TPPP: variants seen among roughly 807,000 people sequenced by gnomAD.
TPPP encodes the protein tubulin polymerization-promoting protein.
In TPPP, 6 loss-of-function variants were observed where a neutral mutation model predicts 15.5. The observed-to-expected ratio is 0.39, with a 90% CI of 0.21 to 0.77. The LOEUF (loss-of-function observed/expected upper bound fraction) is 0.77, where lower values mean the gene tolerates loss of function less well. Ranked by LOEUF, TPPP falls within the 30% of genes least tolerant of loss-of-function variation. The pLI is 0.42. For missense variants in TPPP, 269 were observed against 307.2 expected (o/e 0.88, Z 0.93); for synonymous variants, 146 against 133.9 (o/e 1.09, Z -0.63).
At chr5:692,935 G>C (rs1182589215) in intron 1 of TPPP, 1 of 876,368 alleles carries the variant, frequency 1.1e-6, no homozygotes, top group East Asian at 1.2e-4. Context: ...GGTCTGGAGG[G>C]AAGGGCTGCA....
At position 665,450 on chromosome 5, in the gene TPPP, T is replaced by C. The variant is rs1739856878; in HGVS notation, c.466-154A>G. The C allele has an allele frequency of 1.5e-5, 11 of 721,472 alleles. No homozygotes were observed. The South Asian group carries it at 2.1e-4, about 14-fold the overall frequency. 44.7% of individuals were successfully genotyped at this position (721,472 alleles called of 1,614,324 possible). A position where few individuals can be genotyped will look rare whatever the true frequency, so the allele number is the denominator to read the frequency against. On this transcript the variant is annotated intron_variant, in intron 3 of 3. Coordinates refer to ENST00000360578, the MANE Select transcript of TPPP (RefSeq NM_007030.3). ...TTATGCCCCTTTTAATTCTTATTTT[T>C]ACCTCTCCTGACCCTGGGGCAGCCT...
At chr5:683,933 C>T (rs1740696696) in intron 1 of TPPP, among the ~76,000 whole-genome samples, 1 of 152,248 alleles carries the variant, frequency 6.6e-6, no homozygotes, top group African/African-American at 2.4e-5. Flanking sequence ...AACCTTTACG[C>T]CCAAGTCCTG....
the TPPP span, among the ~76,000 whole-genome samples, chr5:700,713 C>A: frequency 6.6e-6 from 1 of 151,944 alleles, no homozygotes; most frequent in Non-Finnish European, 1.5e-5. Flanking sequence ...CGTCATAAAT[C>A]AACTCTTCAT....
intron 1 of TPPP, among the ~76,000 whole-genome samples, chr5:687,067 A>G (rs1265873443): frequency 7.8e-6 from 1 of 128,050 alleles, no homozygotes; most frequent in Non-Finnish European, 1.8e-5. Flanking sequence ...ACACGGACTA[A>G]CACAGTCGCC....
At position 662,937 on chromosome 5, in the gene TPPP, G is replaced by T. The variant is rs878877753; in HGVS notation, c.*2165C>A. Reference sequence around the variant, plus strand: ...TTCTGGTGACCGCTCGTCTGTGATCGGGTGAGTCCGATGACTGCTCGTCTG... The same window carrying T: ...TTCTGGTGACCGCTCGTCTGTGATCTGGTGAGTCCGATGACTGCTCGTCTG... On this transcript the variant is annotated 3_prime_UTR_variant, in exon 4 of 4. Transcript: ENST00000360578. The T allele has an allele frequency of 4.2e-5, 6 of 144,242 alleles. No homozygotes were observed. Among genetic ancestry groups the T allele is most frequent in the African/African-American group, 1.7e-4 (6 of 35,648 alleles). 8.9% of individuals were successfully genotyped at this position (144,242 alleles called of 1,614,324 possible). A position where few individuals can be genotyped will look rare whatever the true frequency, so the allele number is the denominator to read the frequency against.
chr5:688,457 G>A (rs1305118275), intron 1 of TPPP, among the ~76,000 whole-genome samples: 3 of 151,796 alleles, frequency 2.0e-5, no homozygotes, highest in Non-Finnish European at 2.9e-5. Context: ...CTGGTTAAAG[G>A]TTAAAAACAG....
At chr5:668,629 C>G (rs1335394094) in intron 2 of TPPP, among the ~76,000 whole-genome samples, 1 of 152,260 alleles carries the variant, frequency 6.6e-6, no homozygotes, top group African/African-American at 2.4e-5. Flanking sequence ...CGCGGCAGAG[C>G]CACTGTGGAC....
intron 2 of TPPP, chr5:675,789 G>T (rs1294004162): frequency 6.6e-6 from 1 of 152,286 alleles, no homozygotes; most frequent in African/African-American, 2.4e-5. Context: ...CCGCTAAGGT[G>T]TTGGCAAATG....
rs1373124839 is a variant in TPPP, at chr5:664,060, G to A, written c.*1042C>T. The A allele has an allele frequency of 1.3e-5, 2 of 152,506 alleles. No individual in the cohort carries two copies. Among genetic ancestry groups the A allele is most frequent in the East Asian group, 1.9e-4 (1 of 5,296 alleles). The allele number at this position is 152,506 out of a possible 1,614,324, so 9.4% of individuals were successfully genotyped here. A position where few individuals can be genotyped will look rare whatever the true frequency, so the allele number is the denominator to read the frequency against. ...AAACCCCCACAGACACTGCAGGACT[G>A]GGGGTCCTCCCTAGTGTCCTGCTCT... On this transcript the variant is annotated 3_prime_UTR_variant, in exon 4 of 4. Coordinates refer to ENST00000360578, the MANE Select transcript of TPPP (RefSeq NM_007030.3).
chr5:669,526 T>A (rs984669243), intron 2 of TPPP, among the ~76,000 whole-genome samples: 3 of 152,056 alleles, frequency 2.0e-5, no homozygotes, highest in African/African-American at 7.2e-5. Flanking sequence ...GGCTCTCCTG[T>A]CTTCTATTCC....
Position 663,844 on chromosome 5 carries a change from T to A in TPPP, c.*1258A>T, listed in dbSNP as rs1297696891. 6.6e-6 allele frequency: 1 copy of A among 152,338 alleles called. No individual in the cohort carries two copies. The highest frequency in any genetic ancestry group is 1.5e-5 in the Non-Finnish European group (1 of 68,098). 9.4% of individuals were successfully genotyped at this position (152,338 alleles called of 1,614,324 possible). A position where few individuals can be genotyped will look rare whatever the true frequency, so the allele number is the denominator to read the frequency against. On this transcript the variant is annotated 3_prime_UTR_variant, in exon 4 of 4. Transcript: ENST00000360578. ...AGCAGGTCACACGTGTGGCTGTGGC[T>A]GTGTGCGTGCCAAGGGACAGTGGCA... is the stretch of plus-strand genomic sequence containing the variant.
At chr5:666,165 C>T (rs1188523238) in intron 2 of TPPP, 42 bp from the exon 3 acceptor site, 2 of 1,594,924 alleles carry the variant, frequency 1.3e-6, no homozygotes, top group South Asian at 2.2e-5. Context: ...GCGGGCCGGC[C>T]CAGGGCTGCC....
At chr5:675,502 GCT>G (rs1740398050) in intron 2 of TPPP, among the ~76,000 whole-genome samples, 1 of 144,980 alleles carries the variant, frequency 6.9e-6, no homozygotes, top group Non-Finnish European at 1.5e-5. Context: ...TGTGGCCGGG[GCT>G]GCAGTGTGAC....
At chr5:677,110 C>T (rs140651352) in intron 2 of TPPP, among the ~76,000 whole-genome samples, 19 of 152,246 alleles carry the variant, frequency 1.2e-4, no homozygotes, top group South Asian at 2.1e-4. Flanking sequence ...CGGCACGATG[C>T]GGTTTCAAGG....
At chr5:667,101 CAGTG>C (rs1739949317) in intron 2 of TPPP, 1 of 152,214 alleles carries the variant, frequency 6.6e-6, no homozygotes, top group Non-Finnish European at 1.5e-5. Flanking sequence ...TTCCAGAAGT[CAGTG>C]AGCAGAGGGC....
Position 666,003 on chromosome 5 carries a change from G to A in TPPP, c.432C>T (p.Ile144=), listed in dbSNP as rs754610924. The A allele has an allele frequency of 7.3e-6, 11 of 1,504,324 alleles. No individual in the cohort carries two copies. The highest frequency in any genetic ancestry group is 2.8e-5 in the East Asian group (1 of 35,400). The allele number at this position is 1,504,324 out of a possible 1,614,324, so 93.2% of individuals were successfully genotyped here. The change falls in exon 3 of 4, where the codon ATC becomes ATT. Residue 144 remains isoleucine (I), a synonymous_variant. Coordinates refer to ENST00000360578, the MANE Select transcript of TPPP (RefSeq NM_007030.3). ...CTGAGATGATGGGCGCCTTGCCCTCGATGAGCCTGTGCACCTCGCGAACGG... is the reference window on the plus strand; with the variant it reads ...CTGAGATGATGGGCGCCTTGCCCTCAATGAGCCTGTGCACCTCGCGAACGG... ...EEAVREVHRL[I]EGKAPIISGV...
At chr5:665,463 C>T (rs1215680240) in intron 3 of TPPP, 167 bp from the exon 4 acceptor site, 16 of 677,692 alleles carry the variant, frequency 2.4e-5, no homozygotes, top group South Asian at 2.1e-4. Context: ...CTCTCCTGAC[C>T]CTGGGGCAGC....
chr5:692,381 C>G (rs1366056032), intron 1 of TPPP, among the ~76,000 whole-genome samples: 1 of 123,614 alleles, frequency 8.1e-6, no homozygotes, highest in African/African-American at 3.0e-5. Context: ...AACCCCCTAT[C>G]AAAACAGCAG....
At chr5:688,469 C>T (rs1386065032) in intron 1 of TPPP, among the ~76,000 whole-genome samples, 1 of 151,950 alleles carries the variant, frequency 6.6e-6, no homozygotes, top group Admixed American at 6.6e-5. Flanking sequence ...TAAAAACAGG[C>T]AAAGCCAAAG....
Sources: gnomAD v4.1 joint callset for allele counts (sites outside exome capture counted in the v4.1 genomes callset) on GRCh38, gnomAD v4.1.1 for gene constraint, MANE v1.5 for transcripts, NCBI Gene and HGNC (gene_info 2026-07-23, HGNC 2026-07-21) for gene names.